The following DLGAP2 variants were observed in gnomAD, a reference collection of about 807,000 sequenced individuals.
DLGAP2 encodes disks large-associated protein 2.
DLGAP2 carries 26 observed loss-of-function variants against 100.3 expected under a neutral mutation model. The observed-to-expected ratio is 0.26, with a 90% confidence interval of 0.19 to 0.36. The LOEUF is 0.36. DLGAP2 is among the 10% of genes least tolerant of loss of function. The pLI is 1.00. For missense variants in DLGAP2, 1,858 were observed against 1,453.2 expected (o/e 1.28, Z -4.53); for synonymous variants, 886 against 630.1 (o/e 1.41, Z -6.08).
chr8:971,347 A>C (rs568287970), intron 2 of DLGAP2, among the ~76,000 whole-genome samples: 1 of 152,292 alleles, frequency 6.6e-6, no homozygotes, highest in Admixed American at 6.5e-5. Context: ...CTCACAAGAG[A>C]AGTGCTGAAC....
At chr8:1,484,398 G>A (rs375901328) in intron 3 of DLGAP2, among the ~76,000 whole-genome samples, 14 of 152,248 alleles carry the variant, frequency 9.2e-5, no homozygotes, top group African/African-American at 2.4e-4. Flanking sequence ...TCCTCATTGC[G>A]CAGGGACACT....
At chr8:932,787 A>G (rs1486478596) in intron 2 of DLGAP2, among the ~76,000 whole-genome samples, 3 of 152,152 alleles carry the variant, frequency 2.0e-5, no homozygotes, top group Non-Finnish European at 4.4e-5. Flanking sequence ...TAACTTTTCT[A>G]TATGTCTGAA....
At chr8:971,893 A>G (rs538009942) in intron 2 of DLGAP2, among the ~76,000 whole-genome samples, 2 of 152,314 alleles carry the variant, frequency 1.3e-5, no homozygotes, top group East Asian at 3.9e-4. Context: ...TGATGGTTGC[A>G]GCCCAGGGGT....
intron 14 of DLGAP2, among the ~76,000 whole-genome samples, chr8:1,698,567 A>ATGCTTGGGACAGGTCCATGTAAGCCC (rs1799471265): frequency 2.5e-5 from 2 of 78,682 alleles, no homozygotes; most frequent in Admixed American, 1.4e-4. Flanking sequence ...CAAGTAAGCC[A>ATGCTTGGGACAGGTCCATGTAAGCCC]TGCATGGGAC....
At chr8:858,302 G>A (rs1337153776) in intron 1 of DLGAP2, among the ~76,000 whole-genome samples, 3 of 152,242 alleles carry the variant, frequency 2.0e-5, no homozygotes, top group Non-Finnish European at 2.9e-5. Flanking sequence ...GTAAATGCAC[G>A]TGACTACGTG....
chr8:1,424,461 T>A (rs377430363), intron 3 of DLGAP2, among the ~76,000 whole-genome samples: 1 of 152,234 alleles, frequency 6.6e-6, no homozygotes, highest in Non-Finnish European at 1.5e-5. Flanking sequence ...CAATTGTGTA[T>A]AGCTGCCCAA....
intron 2 of DLGAP2, among the ~76,000 whole-genome samples, chr8:1,246,545 A>G (rs1396959144): frequency 1.3e-5 from 2 of 152,346 alleles, no homozygotes; most frequent in East Asian, 3.9e-4. Context: ...AGGTTGAAAA[A>G]TTAAATACTG....
chr8:1,087,920 G>C (rs1285349832), intron 2 of DLGAP2, among the ~76,000 whole-genome samples: 1 of 152,178 alleles, frequency 6.6e-6, no homozygotes, highest in Non-Finnish European at 1.5e-5. Flanking sequence ...CCCCACCCTG[G>C]CACAGTCCGC....
At chr8:1,134,090 T>C (rs1440012208) in intron 2 of DLGAP2, among the ~76,000 whole-genome samples, 1 of 150,584 alleles carries the variant, frequency 6.6e-6, no homozygotes, top group African/African-American at 2.4e-5. Context: ...AGACAGAACA[T>C]GTGGCATTTG....
intron 3 of DLGAP2, among the ~76,000 whole-genome samples, chr8:1,454,689 A>C (rs749510289): frequency 1.3e-5 from 2 of 152,116 alleles, no homozygotes; most frequent in African/African-American, 4.8e-5. Flanking sequence ...CTTTTTCTCT[A>C]AGGGAGTTCA....
intron 2 of DLGAP2, among the ~76,000 whole-genome samples, chr8:1,146,878 A>T (rs1796618168): frequency 6.6e-6 from 1 of 152,200 alleles, no homozygotes; most frequent in African/African-American, 2.4e-5. Flanking sequence ...TCAAACACTG[A>T]GCCAATTCCT....
chr8:1,538,390 C>G (rs1336009382), intron 4 of DLGAP2, among the ~76,000 whole-genome samples: 1 of 152,174 alleles, frequency 6.6e-6, no homozygotes, highest in South Asian at 2.1e-4. Context: ...ATGTTCTCTC[C>G]ACAAACACAG....
chr8:1,546,997 C>G (rs868114595), intron 4 of DLGAP2, among the ~76,000 whole-genome samples: 1 of 152,046 alleles, frequency 6.6e-6, no homozygotes, highest in African/African-American at 2.4e-5. Context: ...TCTTTGGCCT[C>G]GAGGACGGCA....
chr8:1,287,471 C>CGTGTGTGT (rs764935176), intron 3 of DLGAP2, among the ~76,000 whole-genome samples: 2 of 23,328 alleles, frequency 8.6e-5, no homozygotes, highest in Admixed American at 5.9e-4. Context: ...TTCGGTTCAG[C>CGTGTGTGT]GTGTGTGTGT....
chr8:941,085 C>G (rs1288459208), intron 2 of DLGAP2, among the ~76,000 whole-genome samples: 1 of 152,152 alleles, frequency 6.6e-6, no homozygotes, highest in East Asian at 1.9e-4. Context: ...GACAGCCCCA[C>G]CAGAGAACAG....
chr8:1,182,735 C>T (rs555720483), intron 2 of DLGAP2, among the ~76,000 whole-genome samples: 1 of 152,184 alleles, frequency 6.6e-6, no homozygotes, highest in Admixed American at 6.5e-5. Context: ...CACGGAGCTC[C>T]AGCACATTCT....
intron 2 of DLGAP2, among the ~76,000 whole-genome samples, chr8:1,164,422 C>G (rs1000790997): frequency 1.7e-5 from 2 of 118,902 alleles, no homozygotes; most frequent in Non-Finnish European, 1.9e-5. Flanking sequence ...TCTGGAGCTG[C>G]GATTCAGCCC....
rs530421268 is a variant in DLGAP2 at position 824,921 on chromosome 8, C to T, written c.19-82991C>T. On this transcript the variant is annotated intron_variant, in intron 1 of 14. Coordinates refer to ENST00000637795, the MANE Select transcript of DLGAP2 (RefSeq NM_001346810.2). ...ACTCCCTGAGGGGCCATGGAAGCCACAGGGCATCAGGGGATAGGAGACAGA... is the reference window on the plus strand; with the variant it reads ...ACTCCCTGAGGGGCCATGGAAGCCATAGGGCATCAGGGGATAGGAGACAGA... Among the ~76,000 whole-genome samples, 69 of 152,282 alleles carry T rather than the reference C, an allele frequency of 4.5e-4. 1 individual carries two copies. The highest frequency in any genetic ancestry group is 1.5e-3 in the African/African-American group (63 of 41,562).
intron 1 of DLGAP2, among the ~76,000 whole-genome samples, chr8:742,086 A>C (rs987433209): frequency 5.3e-5 from 8 of 152,110 alleles, no homozygotes; most frequent in Non-Finnish European, 1.2e-4. Context: ...AAACCAGGAG[A>C]TTGTTTCTTT....
Sources: allele counts gnomAD v4.1 joint callset (sites outside exome capture counted in the v4.1 genomes callset), GRCh38; gene constraint gnomAD v4.1.1; transcripts MANE v1.5; gene names NCBI Gene and HGNC (gene_info 2026-07-23, HGNC 2026-07-21).